The following RAD54L2 variants were observed in gnomAD, a reference collection of about 807,000 sequenced individuals.
RAD54L2 encodes the protein helicase ARIP4.
A neutral mutation model predicts 138.4 loss-of-function variants in RAD54L2; 27 were observed. The observed-to-expected ratio is 0.20, with a 90% confidence interval of 0.14 to 0.27. RAD54L2 has a LOEUF of 0.27. RAD54L2 is among the 10% of genes least tolerant of loss of function. The pLI, the probability that RAD54L2 is intolerant of heterozygous loss-of-function variation, is 1.00. For missense variants in RAD54L2, 1,396 were observed against 1,890.2 expected (o/e 0.74, Z 4.85); for synonymous variants, 644 against 723.2 (o/e 0.89, Z 1.76).
chr3:51,626,111 A>C (rs990080609), intron 3 of RAD54L2, among the ~76,000 whole-genome samples: 2 of 151,902 alleles, frequency 1.3e-5, no homozygotes, highest in African/African-American at 4.8e-5. Context: ...AACCAAAAAA[A>C]CCCCACAAAG....
intron 2 of RAD54L2, among the ~76,000 whole-genome samples, chr3:51,582,360 C>A (rs2106691408): frequency 6.9e-6 from 1 of 145,550 alleles, no homozygotes; most frequent in African/African-American, 2.5e-5. Flanking sequence ...TGCCTCATCC[C>A]CTGTATCCAG....
At chr3:51,640,155 A>G (rs371675502) in intron 14 of RAD54L2, among the ~76,000 whole-genome samples, 156 bp downstream of exon 14, 2 of 152,276 alleles carry the variant, frequency 1.3e-5, no homozygotes, top group East Asian at 3.9e-4. Context: ...TTCATTGCCC[A>G]ATTTGATTTC....
intron 2 of RAD54L2, among the ~76,000 whole-genome samples, chr3:51,550,820 G>A (rs1004637532): frequency 1.3e-5 from 2 of 152,118 alleles, no homozygotes; most frequent in African/African-American, 4.8e-5. Flanking sequence ...GCTGAGGTAG[G>A]CAGATCATTT....
At position 51,637,284 on chromosome 3, in the gene RAD54L2, T is replaced by C; in HGVS notation, c.1463T>C (p.Val488Ala). ...ALKNIRSRRR[V>A]VLTGYPLQNN... ...AAGAATATCCGCTCTCGCCGCCGGGTGGTGCTGACTGGGTACCCTCTGCAA... is the reference window on the plus strand; with the variant it reads ...AAGAATATCCGCTCTCGCCGCCGGGCGGTGCTGACTGGGTACCCTCTGCAA... The change falls in exon 11 of 23, where the codon GTG becomes GCG. Residue 488 changes from valine (V) to alanine (A), a missense_variant. Coordinates refer to ENST00000684192, the MANE Select transcript of RAD54L2 (RefSeq NM_015106.4). This position sits in a 1 kb window ranked among gnomAD's most constrained non-coding sequence, Gnocchi z 5.9. The C allele has an allele frequency of 6.2e-7, 1 of 1,611,318 alleles. No individual in the cohort carries two copies. Among genetic ancestry groups the C allele is most frequent in the Non-Finnish European group, 8.5e-7 (1 of 1,178,856 alleles).
intron 3 of RAD54L2, among the ~76,000 whole-genome samples, chr3:51,617,852 C>T (rs1381947167): frequency 6.6e-6 from 1 of 152,186 alleles, no homozygotes; most frequent in East Asian, 1.9e-4. Context: ...CACAGCACTT[C>T]AACTCTCGTG....
chr3:51,545,931 CTT>C (rs781819728), intron 2 of RAD54L2, among the ~76,000 whole-genome samples: 31 of 79,466 alleles, frequency 3.9e-4, no homozygotes, highest in South Asian at 1.2e-3. Context: ...TACATCAATT[CTT>C]TTTTTTTTTT....
At chr3:51,558,886 T>C (rs916798498) in intron 2 of RAD54L2, among the ~76,000 whole-genome samples, 1 of 152,072 alleles carries the variant, frequency 6.6e-6, no homozygotes, top group African/African-American at 2.4e-5. Flanking sequence ...AATAGCCTAT[T>C]TATTTTTGAG....
intron 2 of RAD54L2, among the ~76,000 whole-genome samples, chr3:51,589,709 T>TAC (rs1234760645): frequency 9.2e-6 from 1 of 108,744 alleles, no homozygotes; most frequent in Non-Finnish European, 2.0e-5. Context: ...CACACACACA[T>TAC]ACACACACAT....
chr3:51,641,676 A>T, intron 14 of RAD54L2, 73 bp from the exon 15 acceptor site: 2 of 987,698 alleles, frequency 2.0e-6, no homozygotes, highest in Non-Finnish European at 1.5e-6. Flanking sequence ...AAGTTGCACA[A>T]GAGTATGGAC....
rs1217847188 is a variant in RAD54L2 at position 51,632,561 on chromosome 3, C to T, written c.826-1016C>T. ...CTGCACACCTTGGCCTCCCAAAGCGCCAGGATTACAGGCACGAGCCACCAT... is the reference window on the plus strand; with the variant it reads ...CTGCACACCTTGGCCTCCCAAAGCGTCAGGATTACAGGCACGAGCCACCAT... On this transcript the variant is annotated intron_variant, in intron 7 of 22. Coordinates refer to ENST00000684192, the MANE Select transcript of RAD54L2 (RefSeq NM_015106.4). 2.0e-5 allele frequency among the ~76,000 whole-genome samples: 3 copies of T among 149,692 alleles called. No individual in the cohort carries two copies. The East Asian group carries it at 6.3e-4, about 31-fold the overall frequency.
chr3:51,546,362 C>T (rs1553672269), intron 2 of RAD54L2, among the ~76,000 whole-genome samples: 1 of 151,994 alleles, frequency 6.6e-6, no homozygotes, highest in Non-Finnish European at 1.5e-5. Flanking sequence ...AACTGAAGGC[C>T]AGGCACTGTG....
chr3:51,606,737 C>T (rs375239254), intron 3 of RAD54L2, among the ~76,000 whole-genome samples: 1 of 151,896 alleles, frequency 6.6e-6, no homozygotes, highest in Non-Finnish European at 1.5e-5. Flanking sequence ...GTCTGGAGTG[C>T]AGTGGTGTTA....
chr3:51,559,710 G>A (rs931136343), intron 2 of RAD54L2, among the ~76,000 whole-genome samples: 2 of 152,172 alleles, frequency 1.3e-5, no homozygotes, highest in Non-Finnish European at 2.9e-5. Flanking sequence ...TGAGCTCTCT[G>A]AAACCAGTTT....
intron 2 of RAD54L2, among the ~76,000 whole-genome samples, chr3:51,570,536 A>C (rs1699316808): frequency 6.6e-6 from 1 of 151,736 alleles, no homozygotes; most frequent in South Asian, 2.1e-4. Flanking sequence ...GGCTCACTGC[A>C]ACCTCTGCCT....
chr3:51,613,557 A>C, intron 3 of RAD54L2, among the ~76,000 whole-genome samples: 1 of 152,100 alleles, frequency 6.6e-6, no homozygotes, highest in East Asian at 1.9e-4. Context: ...TCACGAGATC[A>C]GGAGTTCGAG....
In RAD54L2 at chr3:51,666,289, A is replaced by C. The variant is rs1433847565; in HGVS notation, c.*2869A>C. Reference sequence around the variant, plus strand: ...TGATAGGCAAATGTGCATGCACACCAAACATAAGCATGTTTGTGAGGGAAG... The same window carrying C: ...TGATAGGCAAATGTGCATGCACACCCAACATAAGCATGTTTGTGAGGGAAG... On this transcript the variant is annotated 3_prime_UTR_variant, in exon 23 of 23. Transcript: ENST00000684192. 6.7e-6 allele frequency: 1 copy of C among 149,302 alleles called. No individual in the cohort carries two copies. The highest frequency in any genetic ancestry group is 1.5e-5 in the Non-Finnish European group (1 of 67,654). 9.2% of individuals were successfully genotyped at this position (149,302 alleles called of 1,614,324 possible).
At position 51,662,939 on chromosome 3, in the gene RAD54L2, C is replaced by A; in HGVS notation, c.3923C>A (p.Pro1308His). ...TCCTTAAACCATAACCTCACCACCCCCTTCACCTCCCAGGCTGGGGAGAAC... is the reference window on the plus strand; with the variant it reads ...TCCTTAAACCATAACCTCACCACCCACTTCACCTCCCAGGCTGGGGAGAAC... ...PVSLNHNLTT[P>H]FTSQAGENSL... The change falls in exon 23 of 23, where the codon CCC becomes CAC. Residue 1308 changes from proline to histidine, a missense_variant. Pro to His is a moderately conservative substitution (Grantham distance 77). Around this residue, in one of 7 missense-constraint regions of RAD54L2, gnomAD observed 634 missense variants for 711.2 expected, o/e 0.89. Transcript: ENST00000684192. The surrounding 1 kb of genome is among the most constrained non-coding windows in gnomAD (Gnocchi z 4.6). The A allele has an allele frequency of 1.9e-6, 3 of 1,613,962 alleles. No homozygotes were observed. The highest frequency in any genetic ancestry group is 1.6e-4 in the Middle Eastern group (1 of 6,062).
At chr3:51,608,060 A>C (rs1189887008) in intron 3 of RAD54L2, among the ~76,000 whole-genome samples, 1 of 150,480 alleles carries the variant, frequency 6.6e-6, no homozygotes, top group Non-Finnish European at 1.5e-5. Context: ...GGGGCTCCTC[A>C]CTTCCCAGAC....
chr3:51,639,623 T>C lies in RAD54L2; in HGVS notation c.2065T>C (p.Phe689Leu), dbSNP rs772365878. ...TAGCAAGTTCCTACAGGGCGTTGGC[T>C]TCAACCCTTTCCAGGAGCGAGGCAA... ...TNSKFLQGVGFNPFQERGNNI... is the reference protein window; with the variant it reads ...TNSKFLQGVGLNPFQERGNNI... The change falls in exon 13 of 23, where the codon TTC becomes CTC. Residue 689 changes from phenylalanine (F) to leucine (L), a missense_variant. Transcript: ENST00000684192. The C allele has an allele frequency of 6.2e-7, 1 of 1,613,894 alleles. No homozygotes were observed. The highest frequency in any genetic ancestry group is 8.5e-7 in the Non-Finnish European group (1 of 1,179,856).
Sources: gnomAD v4.1 joint callset for allele counts (sites outside exome capture counted in the v4.1 genomes callset) on GRCh38, gnomAD v4.1.1 for gene constraint, gnomAD v4.1.1 regional missense constraint, Gnocchi (gnomAD v3.1) non-coding constraint, MANE v1.5 for transcripts, NCBI Gene and HGNC (gene_info 2026-07-23, HGNC 2026-07-21) for gene names.